The following REELD1 variants were observed in gnomAD, a reference collection of about 807,000 sequenced individuals.
The protein encoded by REELD1 is reeler domain containing 1, also known as reelin domain-containing protein 1.
A neutral mutation model predicts 6.3 loss-of-function variants in REELD1; 12 were observed. That is an observed-to-expected ratio of 1.89 (90% CI 1.21 to 3.07). REELD1 has a LOEUF of 3.07. Among genes scored for constraint, REELD1 ranks in the 30% most tolerant of loss-of-function variants. The probability of loss-of-function intolerance (pLI) is 0.00; values close to 1 mark genes in which losing one functional copy is unlikely to be tolerated. For missense variants in REELD1, 163 were observed against 86.8 expected (o/e 1.88, Z -3.49); for synonymous variants, 57 against 33.6 (o/e 1.70, Z -2.42).
chr4:146,215,650 C>CTTTTTTTTTTTTTTT (rs1465971692), intron 2 of REELD1, among the ~76,000 whole-genome samples: 1 of 78,522 alleles, frequency 1.3e-5, no homozygotes, highest in African/African-American at 5.4e-5. Flanking sequence ...CAGGGGAGGG[C>CTTTTTTTTTTTTTTT]ATTTTTTTTT....
At chr4:146,224,642 G>A (rs1730989037) in intron 5 of REELD1, 34 bp downstream of exon 5, 1 of 699,156 alleles carries the variant, frequency 1.4e-6, no homozygotes, top group Non-Finnish European at 2.6e-6. Flanking sequence ...CAGGCTGGTT[G>A]TCATCATTAT....
Position 146,228,443 on chromosome 4 carries a change from G to A in REELD1, c.829G>A (p.Val277Ile), listed in dbSNP as rs1245006180. 1.4e-6 allele frequency: 1 copy of A among 702,568 alleles called. No individual in the cohort carries two copies. Among genetic ancestry groups the A allele is most frequent in the African/African-American group, 1.7e-5 (1 of 57,372 alleles). 43.5% of individuals were successfully genotyped at this position (702,568 alleles called of 1,614,324 possible). A position where few individuals can be genotyped will look rare whatever the true frequency, so the allele number is the denominator to read the frequency against. Residue 277 changes from valine (V) to isoleucine (I), a missense_variant, in exon 6 of 8, where the codon GTC becomes ATC. Physicochemically the swap from Val to Ile is conservative, Grantham distance 29. Coordinates refer to ENST00000623665, the MANE Select transcript of REELD1 (RefSeq NM_001354631.1). ...TCCCACCCTAGAGCCGTCCCTGGAG[G>A]TCCACAGGCTGGAGAGGCTCGTGGC... is the stretch of plus-strand genomic sequence containing the variant. ...SNPTLEPSLE[V>I]HRLERLVALK...
rs757617877 is a variant in REELD1, at chr4:146,228,426, T to G, written c.812T>G (p.Leu271Arg). 2 of 702,548 alleles carry G rather than the reference T, an allele frequency of 2.8e-6. No homozygotes were observed. The highest frequency in any genetic ancestry group is 3.0e-5 in the South Asian group (2 of 67,600). 43.5% of individuals were successfully genotyped at this position (702,548 alleles called of 1,614,324 possible). Residue 271 changes from leucine (L) to arginine (R), a missense_variant, in exon 6 of 8, where the codon CTA (leucine) becomes CGA (arginine). Coordinates refer to ENST00000623665, the MANE Select transcript of REELD1 (RefSeq NM_001354631.1). ...CCCAGCGGGGACAGCAATCCCACCC[T>G]AGAGCCGTCCCTGGAGGTCCACAGG... ...QQPSGDSNPT[L>R]EPSLEVHRLE... is the part of the protein sequence containing the mutation.
At position 146,228,540 on chromosome 4, in the gene REELD1, G is replaced by A; in HGVS notation, c.908+18G>A. The A allele has an allele frequency of 1.5e-6, 1 of 681,804 alleles. No individual in the cohort carries two copies. Among genetic ancestry groups the A allele is most frequent in the South Asian group, 1.5e-5 (1 of 64,936 alleles). 42.2% of individuals were successfully genotyped at this position (681,804 alleles called of 1,614,324 possible). On this transcript the variant is annotated intron_variant, in intron 6 of 7. Coordinates refer to ENST00000623665, the MANE Select transcript of REELD1 (RefSeq NM_001354631.1). Reference sequence around the variant, plus strand: ...CATCACAGGTAAGGGTGATGGGTGGGCCATTCAGGACAGGTGATGGGACTA... The same window carrying A: ...CATCACAGGTAAGGGTGATGGGTGGACCATTCAGGACAGGTGATGGGACTA...
intron 4 of REELD1, among the ~76,000 whole-genome samples, chr4:146,223,138 G>A (rs764659131): frequency 5.3e-5 from 8 of 152,206 alleles, no homozygotes; most frequent in Non-Finnish European, 1.2e-4. Flanking sequence ...TACTTGTTTT[G>A]TCATTCTTTT....
At chr4:146,223,416 G>A (rs892329810) in intron 4 of REELD1, among the ~76,000 whole-genome samples, 2 of 152,228 alleles carry the variant, frequency 1.3e-5, no homozygotes, top group African/African-American at 4.8e-5. Flanking sequence ...GGAAACACGT[G>A]CCTTAGGATT....
chr4:146,227,590 G>A (rs1305132216), intron 5 of REELD1, among the ~76,000 whole-genome samples: 1 of 152,164 alleles, frequency 6.6e-6, no homozygotes, highest in African/African-American at 2.4e-5. Flanking sequence ...CTTCCCCAAA[G>A]CCAGAAATTA....
intron 2 of REELD1, among the ~76,000 whole-genome samples, chr4:146,216,166 C>A (rs1367882690): frequency 6.6e-6 from 1 of 152,136 alleles, no homozygotes; most frequent in African/African-American, 2.4e-5. Flanking sequence ...TTTACATTGC[C>A]AAATTTTAAT....
chr4:146,215,746 A>AG (rs70956898), intron 2 of REELD1, among the ~76,000 whole-genome samples: 3 of 139,360 alleles, frequency 2.2e-5, no homozygotes, highest in East Asian at 2.0e-4. Context: ...AAAAAAAAAA[A>AG]CAGAACTTTT....
chr4:146,224,656 TAC>T (rs1380923194), intron 5 of REELD1, 48 bp downstream of exon 5: 1 of 693,628 alleles, frequency 1.4e-6, no homozygotes, highest in Non-Finnish European at 2.6e-6. Context: ...TCATTATTTT[TAC>T]AGTTATCTAT....
At chr4:146,218,612 C>G (rs1010065909) in intron 3 of REELD1, among the ~76,000 whole-genome samples, 2 of 152,176 alleles carry the variant, frequency 1.3e-5, no homozygotes, top group Admixed American at 1.3e-4. Flanking sequence ...CATCAATATA[C>G]TCCCCAATAT....
chr4:146,221,839 C>T (rs563508799), intron 3 of REELD1, among the ~76,000 whole-genome samples: 1 of 151,774 alleles, frequency 6.6e-6, no homozygotes, highest in East Asian at 1.9e-4. Context: ...AGCCTGGTGA[C>T]GGAGCGAGAC....
At chr4:146,217,821 C>G (rs753855328) in intron 3 of REELD1, among the ~76,000 whole-genome samples, 6 of 152,124 alleles carry the variant, frequency 3.9e-5, no homozygotes, top group Non-Finnish European at 8.8e-5. Context: ...TCAACAGACA[C>G]TTTGGTGAGA....
chr4:146,222,354 C>T lies in REELD1; in HGVS notation c.209-3C>T. 2.5e-6 allele frequency: 1 copy of T among 398,584 alleles called. No individual in the cohort carries two copies. The highest frequency in any genetic ancestry group is 4.4e-6 in the Non-Finnish European group (1 of 226,060). The allele number at this position is 398,584 out of a possible 1,614,324, so 24.7% of individuals were successfully genotyped here. The stretch of plus-strand genomic sequence containing the variant: ...TCATGTTGAACGGGTGTTTTTGTTG[C>T]AGTGACAGTGAGAAGCAGTCGTGAT... On this transcript the variant is annotated splice_region_variant and splice_polypyrimidine_tract_variant and intron_variant, in intron 3 of 7. Transcript: ENST00000623665.
At chr4:146,225,083 G>A (rs1054289517) in intron 5 of REELD1, among the ~76,000 whole-genome samples, 3 of 152,162 alleles carry the variant, frequency 2.0e-5, no homozygotes, top group African/African-American at 7.2e-5. Context: ...TTGCAACCTG[G>A]GTTGGAGAAC....
chr4:146,228,893 G>T (rs1451674579), intron 6 of REELD1, 132 bp from the exon 7 acceptor site: 3 of 647,382 alleles, frequency 4.6e-6, no homozygotes, highest in Non-Finnish European at 8.4e-6. Context: ...CTTCTCTATG[G>T]TTCCTGACTC....
intron 6 of REELD1, 79 bp downstream of exon 6, chr4:146,228,601 A>G: frequency 1.6e-6 from 1 of 612,566 alleles, no homozygotes; most frequent in Admixed American, 2.9e-5. Context: ...GGAGTCTGAC[A>G]AAAAAGATCT....
Position 146,219,914 on chromosome 4 carries a change from T to C in REELD1, c.209-2443T>C, listed in dbSNP as rs562437329. On this transcript the variant is annotated intron_variant, in intron 3 of 7. Transcript: ENST00000623665. ...CTAACAATCAGACTGATATATTTTA[T>C]TGGATACAGAATTTTGTTTTTTTGT... Among the ~76,000 whole-genome samples the C allele has an allele frequency of 1.9e-3, 286 of 152,312 alleles. 1 individual carries two copies. The highest frequency in any genetic ancestry group is 6.6e-3 in the African/African-American group (273 of 41,582).
rs1731124089 is a variant in REELD1 at position 146,231,104 on chromosome 4, T to G, written c.*591T>G. 6.6e-6 allele frequency among the ~76,000 whole-genome samples: 1 copy of G among 152,240 alleles called. No homozygotes were observed. Among genetic ancestry groups the G allele is most frequent in the Admixed American group, 6.5e-5 (1 of 15,292 alleles). On this transcript the variant is annotated 3_prime_UTR_variant, in exon 8 of 8. Coordinates refer to ENST00000623665, the MANE Select transcript of REELD1 (RefSeq NM_001354631.1). ...ACTCAGCAGCCTGGCAAATCCGCCA[T>G]GGAAATTGATCCAAAGTCAGGAAAG...
Sources: gnomAD v4.1 joint callset for allele counts (sites outside exome capture counted in the v4.1 genomes callset) on GRCh38, gnomAD v4.1.1 for gene constraint, MANE v1.5 for transcripts, NCBI Gene and HGNC (gene_info 2026-07-23, HGNC 2026-07-21) for gene names.